Variants in OXR1 observed in about 807,000 individuals in gnomAD.
The protein encoded by OXR1 is oxidation resistance protein 1.
In OXR1, 41 loss-of-function variants were observed where a neutral mutation model predicts 104.6. The observed-to-expected ratio is 0.39, with a 90% CI of 0.31 to 0.51. The LOEUF is 0.51. OXR1 is among the 20% of genes least tolerant of loss of function. The pLI, the probability that OXR1 is intolerant of heterozygous loss-of-function variation, is 0.77. For missense variants in OXR1, 955 were observed against 1,031.9 expected, an observed-to-expected ratio of 0.93 and a Z score of 1.02; for synonymous variants, 348 against 348.4, an observed-to-expected ratio of 1.00 and a Z score of 0.01.
intron 3 of OXR1, among the ~76,000 whole-genome samples, chr8:106,522,568 A>G (rs1190078766): frequency 1.3e-5 from 2 of 152,198 alleles, no homozygotes; most frequent in East Asian, 3.9e-4. Flanking sequence ...AAAGCTAGTC[A>G]CTATTGATGT....
chr8:106,499,833 A>G (rs1265196772), intron 2 of OXR1, among the ~76,000 whole-genome samples: 3 of 152,230 alleles, frequency 2.0e-5, no homozygotes, highest in African/African-American at 7.2e-5. Context: ...GGTAGAAAAA[A>G]GACGTGTTCT....
Position 106,750,842 on chromosome 8 carries a change from C to A in OXR1, c.2523C>A (p.Tyr841Ter). The A allele has an allele frequency of 6.2e-7, 1 of 1,608,582 alleles. No homozygotes were observed. The highest frequency in any genetic ancestry group is 8.5e-7 in the Non-Finnish European group (1 of 1,176,280). The change falls in exon 17 of 17, where the codon TAC becomes TAA. Residue 841 changes from tyrosine to a stop codon, truncating the protein, a stop_gained. Coordinates refer to ENST00000517566, the MANE Select transcript of OXR1 (RefSeq NM_001198533.2). LOFTEE classifies it high-confidence loss of function. ...EFALWLDGDLYHGRSHSCKTF... is the reference protein window; with the variant it reads ...EFALWLDGDL Reference sequence around the variant, plus strand: ...CGCTTTGGCTTGATGGAGATCTCTACCATGGAAGAAGCCATTCTTGTAAAA... The same window carrying A: ...CGCTTTGGCTTGATGGAGATCTCTAACATGGAAGAAGCCATTCTTGTAAAA...
intron 2 of OXR1, among the ~76,000 whole-genome samples, chr8:106,446,203 T>C (rs536064043): frequency 6.6e-6 from 1 of 152,330 alleles, no homozygotes; most frequent in African/African-American, 2.4e-5. Context: ...AATAAACTTG[T>C]AGTCTAAGAA....
intron 2 of OXR1, among the ~76,000 whole-genome samples, chr8:106,409,729 A>AT (rs1563760478): frequency 1.3e-4 from 20 of 152,304 alleles, no homozygotes; most frequent in African/African-American, 4.8e-4. Flanking sequence ...AGGCTTAGTT[A>AT]CAGTTGGGCT....
chr8:106,304,230 C>A (rs1340919179), intron 1 of OXR1, among the ~76,000 whole-genome samples: 1 of 152,132 alleles, frequency 6.6e-6, no homozygotes, highest in East Asian at 1.9e-4. Flanking sequence ...TAAAGGCAAA[C>A]TGGATTCTTT....
At chr8:106,495,108 T>C (rs1345020042) in intron 2 of OXR1, among the ~76,000 whole-genome samples, 2 of 151,968 alleles carry the variant, frequency 1.3e-5, no homozygotes, top group Non-Finnish European at 2.9e-5. Context: ...ATATAGGTAT[T>C]GGTAATATGC....
intron 3 of OXR1, among the ~76,000 whole-genome samples, chr8:106,674,145 G>A (rs1204164406): frequency 6.6e-6 from 1 of 152,178 alleles, no homozygotes; most frequent in East Asian, 1.9e-4. Context: ...AAAAGTTGTA[G>A]GCACTCAATG....
At chr8:106,721,097 A>T (rs1832785927) in intron 11 of OXR1, among the ~76,000 whole-genome samples, 1 of 151,988 alleles carries the variant, frequency 6.6e-6, no homozygotes, top group African/African-American at 2.4e-5. Context: ...AAAGTCAAGG[A>T]TTCATTGTGT....
intron 2 of OXR1, among the ~76,000 whole-genome samples, chr8:106,474,925 C>A (rs573832689): frequency 1.3e-5 from 2 of 152,078 alleles, no homozygotes; most frequent in South Asian, 2.1e-4. Context: ...GGAACCCAAA[C>A]TGTCTGAGTT....
intron 1 of OXR1, among the ~76,000 whole-genome samples, chr8:106,312,945 G>A (rs1229648136): frequency 6.6e-6 from 1 of 152,070 alleles, no homozygotes; most frequent in Non-Finnish European, 1.5e-5. Flanking sequence ...GTTTGGAAGG[G>A]CTAATGTTTT....
At chr8:106,451,068 T>G (rs540280335) in intron 2 of OXR1, among the ~76,000 whole-genome samples, 19 of 152,300 alleles carry the variant, frequency 1.2e-4, no homozygotes, top group African/African-American at 4.6e-4. Flanking sequence ...CCTGACTCTC[T>G]TAACAGCTCC....
chr8:106,727,236 AT>A (rs67873896), intron 11 of OXR1, among the ~76,000 whole-genome samples: 44,392 of 151,682 alleles, frequency 0.29, 8,352 homozygotes, highest in African/African-American at 0.54. Flanking sequence ...CTATTCATAC[AT>A]TTTTTTTATT....
intron 3 of OXR1, among the ~76,000 whole-genome samples, chr8:106,558,601 A>G (rs766937572): frequency 3.9e-5 from 6 of 152,210 alleles, no homozygotes; most frequent in Non-Finnish European, 7.3e-5. Context: ...GGTTGCCCCA[A>G]GCATCTTGAT....
chr8:106,312,336 G>A (rs759176456), intron 1 of OXR1, among the ~76,000 whole-genome samples: 36 of 152,216 alleles, frequency 2.4e-4, no homozygotes, highest in Non-Finnish European at 4.1e-4. Flanking sequence ...GTCAAAAATA[G>A]AGAGCAGTCT....
At chr8:106,492,535 C>G (rs528836299) in intron 2 of OXR1, among the ~76,000 whole-genome samples, 27 of 152,188 alleles carry the variant, frequency 1.8e-4, no homozygotes, top group African/African-American at 6.3e-4. Flanking sequence ...GGCAGGCGTA[C>G]CAAGTAGGAG....
intron 1 of OXR1, among the ~76,000 whole-genome samples, chr8:106,349,538 A>G (rs1042593168): frequency 6.6e-6 from 1 of 152,204 alleles, no homozygotes; most frequent in Non-Finnish European, 1.5e-5. Flanking sequence ...ACCATTTAAT[A>G]AAAAATCAGG....
chr8:106,565,290 A>T (rs553586069), intron 3 of OXR1, among the ~76,000 whole-genome samples: 4 of 152,248 alleles, frequency 2.6e-5, no homozygotes, highest in South Asian at 4.1e-4. Context: ...CTCGGGATAT[A>T]AAATCAAAGT....
At chr8:106,611,599 A>G (rs1820816791) in intron 3 of OXR1, among the ~76,000 whole-genome samples, 1 of 152,224 alleles carries the variant, frequency 6.6e-6, no homozygotes, top group Non-Finnish European at 1.5e-5. Flanking sequence ...TCAGAAAGGT[A>G]GAAGTAAGTA....
At chr8:106,311,309 C>CT (rs1813689966) in intron 1 of OXR1, among the ~76,000 whole-genome samples, 1 of 151,826 alleles carries the variant, frequency 6.6e-6, no homozygotes, top group South Asian at 2.1e-4. Flanking sequence ...TGCATTGTTC[C>CT]TTTTTTTGGT....
Sources: gnomAD v4.1 joint callset for allele counts (sites outside exome capture counted in the v4.1 genomes callset) on GRCh38, gnomAD v4.1.1 for gene constraint, MANE v1.5 for transcripts, NCBI Gene and HGNC (gene_info 2026-07-23, HGNC 2026-07-21) for gene names.